DLGAP2: variants seen among roughly 807,000 people sequenced by gnomAD.
DLGAP2 encodes disks large-associated protein 2.
DLGAP2 carries 26 observed loss-of-function variants against 100.3 expected under a neutral mutation model. The observed-to-expected ratio is 0.26, with a 90% CI of 0.19 to 0.36. The LOEUF (loss-of-function observed/expected upper bound fraction) is 0.36. DLGAP2 is among the 10% of genes least tolerant of loss of function. The pLI is 1.00. For synonymous variants in DLGAP2, 886 were observed against 630.1 expected (o/e 1.41, Z -6.08); for missense variants, 1,858 against 1,453.2 (o/e 1.28, Z -4.53).
At chr8:1,448,803 A>G (rs1382587694) in intron 3 of DLGAP2, among the ~76,000 whole-genome samples, 2 of 152,188 alleles carry the variant, frequency 1.3e-5, no homozygotes, top group Non-Finnish European at 2.9e-5. Context: ...AATGCATGAC[A>G]TCAATCATTG....
At chr8:1,466,638 G>A (rs1210809230) in intron 3 of DLGAP2, among the ~76,000 whole-genome samples, 1 of 152,070 alleles carries the variant, frequency 6.6e-6, no homozygotes, top group Non-Finnish European at 1.5e-5. Context: ...ATTCATAGTA[G>A]TAACATTTTG....
At chr8:1,531,116 CTT>C (rs1563204180) in intron 4 of DLGAP2, among the ~76,000 whole-genome samples, 1 of 152,030 alleles carries the variant, frequency 6.6e-6, no homozygotes, top group African/African-American at 2.4e-5. Flanking sequence ...AGTGCTGAAA[CTT>C]TGTTTCTTTT....
chr8:1,277,666 G>T (rs1253581378), intron 3 of DLGAP2, among the ~76,000 whole-genome samples: 2 of 152,164 alleles, frequency 1.3e-5, no homozygotes, highest in Non-Finnish European at 2.9e-5. Flanking sequence ...AGTGTTATCC[G>T]AAATGAGTGG....
At chr8:1,097,025 C>T (rs1249869248) in intron 2 of DLGAP2, among the ~76,000 whole-genome samples, 2 of 145,968 alleles carry the variant, frequency 1.4e-5, no homozygotes, top group East Asian at 4.2e-4. Flanking sequence ...AAGCTGGGAG[C>T]CCGGGGCAGG....
At chr8:891,732 TAA>T (rs1798039173) in intron 1 of DLGAP2, 1 of 152,288 alleles carries the variant, frequency 6.6e-6, no homozygotes, top group Non-Finnish European at 1.5e-5. Context: ...AAGAGAATTC[TAA>T]AAGACACTGT....
chr8:1,668,006 G>T (rs558445355), intron 8 of DLGAP2, among the ~76,000 whole-genome samples: 1 of 151,082 alleles, frequency 6.6e-6, no homozygotes, highest in African/African-American at 2.4e-5. Flanking sequence ...CTGAGGGGAC[G>T]CACGTTGCCT....
intron 2 of DLGAP2, among the ~76,000 whole-genome samples, chr8:1,202,121 CTG>C (rs1432201292): frequency 5.3e-5 from 8 of 150,832 alleles, no homozygotes; most frequent in South Asian, 2.1e-4. Context: ...ATCTGTGTAT[CTG>C]TGTGTCTGTT....
chr8:943,421 C>T (rs1394203632), intron 2 of DLGAP2, among the ~76,000 whole-genome samples: 1 of 152,268 alleles, frequency 6.6e-6, no homozygotes, highest in Non-Finnish European at 1.5e-5. Flanking sequence ...TGTGCGGCAC[C>T]CGCGTGTCTG....
intron 6 of DLGAP2, among the ~76,000 whole-genome samples, chr8:1,605,347 T>G (rs887946104): frequency 2.0e-5 from 3 of 152,098 alleles, no homozygotes; most frequent in Non-Finnish European, 4.4e-5. Context: ...GCCACACAAG[T>G]GATACAGCAG....
chr8:1,378,239 ACCTGTCCTTGCCACACACACCTGACTTCG>A (rs1796006538), intron 3 of DLGAP2: 1 of 206,766 alleles, frequency 4.8e-6, no homozygotes, highest in Non-Finnish European at 9.6e-6. Context: ...ACCTGACCTC[ACCTGTCCTTGCCACACACACCTGACTTCG>A]CCTGTCTGTC....
At chr8:1,174,235 A>G (rs1357847641) in intron 2 of DLGAP2, among the ~76,000 whole-genome samples, 2 of 152,162 alleles carry the variant, frequency 1.3e-5, no homozygotes, top group Admixed American at 1.3e-4. Flanking sequence ...TCTGCAGGGA[A>G]TGTGATAAGT....
chr8:1,151,010 T>C (rs28680657), intron 2 of DLGAP2, among the ~76,000 whole-genome samples: 26,563 of 152,254 alleles, frequency 0.17, 2,810 homozygotes, highest in Non-Finnish European at 0.23. Flanking sequence ...TACATACATA[T>C]GTAATCGTTA....
chr8:1,108,510 T>C (rs548226947), intron 2 of DLGAP2, among the ~76,000 whole-genome samples: 31 of 149,674 alleles, frequency 2.1e-4, no homozygotes, highest in African/African-American at 6.9e-4. Flanking sequence ...GTGTGCTGGG[T>C]CTGTGAGGTG....
intron 2 of DLGAP2, among the ~76,000 whole-genome samples, chr8:1,008,669 C>G (rs1012914499): frequency 6.6e-6 from 1 of 152,090 alleles, no homozygotes; most frequent in Non-Finnish European, 1.5e-5. Context: ...AGCTGGAGAA[C>G]AGCTGTCCGC....
At chr8:1,417,150 C>CCA (rs537951010) in intron 3 of DLGAP2, among the ~76,000 whole-genome samples, 19 of 85,404 alleles carry the variant, frequency 2.2e-4, no homozygotes, top group African/African-American at 5.3e-4. Flanking sequence ...GCGGGGGAGA[C>CCA]TCTGAGTGAA....
intron 2 of DLGAP2, among the ~76,000 whole-genome samples, chr8:1,113,528 G>C (rs917201245): frequency 8.5e-5 from 13 of 152,188 alleles, no homozygotes; most frequent in Admixed American, 2.6e-4. Context: ...AAGAATGCTA[G>C]TGATTTTTGT....
chr8:1,364,361 G>T (rs975753160), intron 3 of DLGAP2, among the ~76,000 whole-genome samples: 1 of 152,172 alleles, frequency 6.6e-6, no homozygotes, highest in Non-Finnish European at 1.5e-5. Context: ...TGATCGTCAA[G>T]GGCTGCCACG....
intron 4 of DLGAP2, among the ~76,000 whole-genome samples, chr8:1,531,946 C>T (rs187038506): frequency 4.1e-4 from 63 of 152,248 alleles, no homozygotes; most frequent in Non-Finnish European, 7.3e-4. Context: ...GGTTGGGGCG[C>T]AGCTTGGTTT....
intron 2 of DLGAP2, among the ~76,000 whole-genome samples, chr8:1,160,044 T>G (rs937997890): frequency 6.6e-6 from 1 of 152,214 alleles, no homozygotes; most frequent in African/African-American, 2.4e-5. Context: ...ACCGTCGTCG[T>G]AAACTGAGCC....
Sources: gnomAD v4.1 joint callset for allele counts (sites outside exome capture counted in the v4.1 genomes callset) on GRCh38, gnomAD v4.1.1 for gene constraint, MANE v1.5 for transcripts, NCBI Gene and HGNC (gene_info 2026-07-23, HGNC 2026-07-21) for gene names.